IQCM: variants seen among roughly 807,000 people sequenced by gnomAD.
IQCM encodes the protein IQ motif containing M.
In IQCM, 45 loss-of-function variants were observed where a neutral mutation model predicts 57.6. The ratio of observed to expected loss-of-function variants is 0.78; its 90% CI spans 0.62 to 1.00. The LOEUF is 1.00. IQCM is among the 50% of genes least tolerant of loss of function. The probability of loss-of-function intolerance (pLI) is 0.00; values close to 1 mark genes in which losing one functional copy is unlikely to be tolerated. For missense variants in IQCM, 468 were observed against 511.6 expected (o/e 0.91, Z 0.82); for synonymous variants, 148 against 158.9 (o/e 0.93, Z 0.51).
chr4:149,410,347 G>A (rs1471233639), intron 13 of IQCM, among the ~76,000 whole-genome samples: 5 of 151,688 alleles, frequency 3.3e-5, no homozygotes, highest in African/African-American at 4.8e-5. Flanking sequence ...AGCAAACAAG[G>A]TGGCCTTAAA....
chr4:149,787,551 A>AT lies in IQCM; in HGVS notation c.-49+27759dup, dbSNP rs550168052. ...AAATCCATGTATTTCCAGCTAACTGATTTTTTTTACAAAGATGCCAAGAAC... is the reference window on the plus strand; with the variant it reads ...AAATCCATGTATTTCCAGCTAACTGATTTTTTTTTACAAAGATGCCAAGAAC... On this transcript the variant is annotated intron_variant, in intron 2 of 13. Coordinates refer to ENST00000636793, the MANE Select transcript of IQCM (RefSeq NM_001363507.2). Among the ~76,000 whole-genome samples the AT allele has an allele frequency of 2.8e-3, 427 of 152,006 alleles. 1 individual carries two copies. Among genetic ancestry groups the AT allele is most frequent in the African/African-American group, 9.8e-3 (404 of 41,432 alleles).
intron 7 of IQCM, among the ~76,000 whole-genome samples, chr4:149,623,454 C>T (rs2150077768): frequency 6.6e-6 from 1 of 152,284 alleles, no homozygotes; most frequent in African/African-American, 2.4e-5. Context: ...AACTTTTCCG[C>T]TTCAGGAAGC....
intron 5 of IQCM, among the ~76,000 whole-genome samples, chr4:149,688,252 G>T (rs976161252): frequency 1.3e-5 from 2 of 151,894 alleles, no homozygotes; most frequent in African/African-American, 2.4e-5. Context: ...TTTCAGCAAA[G>T]TTTCCAGATA....
chr4:149,388,637 G>A (rs1186961227), intron 13 of IQCM, among the ~76,000 whole-genome samples: 9 of 138,286 alleles, frequency 6.5e-5, no homozygotes, highest in African/African-American at 1.9e-4. Context: ...ACACATATAT[G>A]GGCAAAGAAT....
At chr4:149,774,610 C>T (rs1351940229) in intron 2 of IQCM, among the ~76,000 whole-genome samples, 7 of 152,086 alleles carry the variant, frequency 4.6e-5, no homozygotes, top group Admixed American at 3.3e-4. Context: ...CAGACATGGC[C>T]TCCTCCAGCC....
rs1417164758 is a variant in IQCM at position 149,764,495 on chromosome 4, C to T, written c.-48-21756G>A. Among the ~76,000 whole-genome samples the T allele has an allele frequency of 2.6e-5, 4 of 152,146 alleles. No individual in the cohort carries two copies. In the East Asian group the frequency reaches 7.7e-4, roughly 29 times the overall value. On this transcript the variant is annotated intron_variant, in intron 2 of 13. Coordinates refer to ENST00000636793, the MANE Select transcript of IQCM (RefSeq NM_001363507.2). Reference sequence around the variant, plus strand: ...ACCTTCACATAATGTCTGCCTCCCGCCTCCCAGGCCCATACATCTCTCTCT... The same window carrying T: ...ACCTTCACATAATGTCTGCCTCCCGTCTCCCAGGCCCATACATCTCTCTCT...
chr4:149,810,148 G>A (rs1184191308), intron 2 of IQCM, among the ~76,000 whole-genome samples: 1 of 151,980 alleles, frequency 6.6e-6, no homozygotes, highest in Non-Finnish European at 1.5e-5. Flanking sequence ...GCTTTGGGAG[G>A]CCAAGGTGGG....
chr4:149,554,519 T>A (rs1210616630), intron 10 of IQCM, among the ~76,000 whole-genome samples: 14 of 151,922 alleles, frequency 9.2e-5, no homozygotes, highest in Admixed American at 9.2e-4. Context: ...TTTCACCATG[T>A]TAGCCAGGAT....
chr4:149,810,362 C>CAAAAAAAAAAAAAAAA (rs748565416), intron 2 of IQCM, among the ~76,000 whole-genome samples: 1 of 86,234 alleles, frequency 1.2e-5, no homozygotes. Context: ...ACACCATCTC[C>CAAAAAAAAAAAAAAAA]AAAAAAAAAA....
At chr4:149,685,428 A>C (rs1464908163) in intron 6 of IQCM, among the ~76,000 whole-genome samples, 2 of 151,476 alleles carry the variant, frequency 1.3e-5, no homozygotes, top group Non-Finnish European at 3.0e-5. Flanking sequence ...ATCTTCCCTT[A>C]TCATGGGTAT....
At chr4:149,794,495 G>C (rs976721961) in intron 2 of IQCM, among the ~76,000 whole-genome samples, 2 of 152,178 alleles carry the variant, frequency 1.3e-5, no homozygotes, top group Non-Finnish European at 2.9e-5. Context: ...AAATAGATGA[G>C]TACAATGGTG....
At chr4:149,530,813 C>T (rs958761902) in intron 12 of IQCM, among the ~76,000 whole-genome samples, 2 of 124,740 alleles carry the variant, frequency 1.6e-5, no homozygotes, top group Non-Finnish European at 1.7e-5. Context: ...ACCCCCCCCC[C>T]ACATACACAC....
At chr4:149,635,678 G>T (rs977140397) in intron 7 of IQCM, among the ~76,000 whole-genome samples, 1 of 151,918 alleles carries the variant, frequency 6.6e-6, no homozygotes, top group Non-Finnish European at 1.5e-5. Context: ...TCTCATCTTA[G>T]CCTTATGTCC....
intron 12 of IQCM, among the ~76,000 whole-genome samples, chr4:149,473,771 T>C (rs1393992181): frequency 2.6e-5 from 4 of 152,108 alleles, no homozygotes; most frequent in African/African-American, 9.7e-5. Context: ...GTGGCATATA[T>C]ACACCATGGA....
chr4:149,709,673 G>C (rs1408761765), intron 5 of IQCM, among the ~76,000 whole-genome samples: 1 of 152,068 alleles, frequency 6.6e-6, no homozygotes, highest in Non-Finnish European at 1.5e-5. Flanking sequence ...CTAAATCCCA[G>C]ATTCTTTCTA....
intron 13 of IQCM, among the ~76,000 whole-genome samples, chr4:149,352,842 T>G (rs1224245608): frequency 6.6e-6 from 1 of 152,180 alleles, no homozygotes; most frequent in African/African-American, 2.4e-5. Flanking sequence ...ATAAAAGGTA[T>G]AGATTTACTG....
intron 12 of IQCM, among the ~76,000 whole-genome samples, chr4:149,506,249 T>C (rs1743802548): frequency 6.6e-6 from 1 of 152,190 alleles, no homozygotes; most frequent in Admixed American, 6.6e-5. Flanking sequence ...TCTGGATGGA[T>C]GCTTGATAAC....
In IQCM at chr4:149,652,022, T is replaced by C. The variant is rs551450508; in HGVS notation, c.565+30096A>G. On this transcript the variant is annotated intron_variant, in intron 7 of 13. Transcript: ENST00000636793. Reference sequence around the variant, plus strand: ...CACACATATGTTTATTGCAGCACTATTCACAATAGCAAAGACTTGGAACCA... The same window carrying C: ...CACACATATGTTTATTGCAGCACTACTCACAATAGCAAAGACTTGGAACCA... 1.7e-3 allele frequency among the ~76,000 whole-genome samples: 253 copies of C among 152,262 alleles called. 1 individual carries two copies. The highest frequency in any genetic ancestry group is 2.4e-3 in the Non-Finnish European group (163 of 68,028).
At chr4:149,806,148 A>G (rs1774059529) in intron 2 of IQCM, among the ~76,000 whole-genome samples, 1 of 151,732 alleles carries the variant, frequency 6.6e-6, no homozygotes. Flanking sequence ...TTAATTTAAA[A>G]GAATTTTTGT....
Sources: allele counts gnomAD v4.1 joint callset (sites outside exome capture counted in the v4.1 genomes callset), GRCh38; gene constraint gnomAD v4.1.1; transcripts MANE v1.5; gene names NCBI Gene and HGNC (gene_info 2026-07-23, HGNC 2026-07-21).